MKLN1: variants seen among roughly 807,000 people sequenced by gnomAD.
The protein encoded by MKLN1 is muskelin 1.
Under a neutral mutation model 99.0 loss-of-function variants are expected in MKLN1, and 18 were observed. That is an observed-to-expected ratio of 0.18 (90% CI 0.13 to 0.27). The LOEUF (loss-of-function observed/expected upper bound fraction) is 0.27, where lower values mean the gene tolerates loss of function less well. Among genes scored for constraint, MKLN1 ranks in the 10% least tolerant of loss-of-function variants. MKLN1 has a pLI of 1.00. For missense variants in MKLN1, 621 were observed against 875.9 expected (o/e 0.71, Z 3.67); for synonymous variants, 288 against 293.2 (o/e 0.98, Z 0.18).
In MKLN1 at chr7:131,486,638, G is replaced by A. The variant is rs375154273; in HGVS notation, c.2087-969G>A. On this transcript the variant is annotated intron_variant, in intron 17 of 17. Transcript: ENST00000352689. ...CACCATGGCATATATAACTCTTGAT[G>A]GCTCTGTTTCTGTTTCTCATGGCAT... 1.3e-5 allele frequency among the ~76,000 whole-genome samples: 2 copies of A among 152,084 alleles called. 1 individual carries two copies. Among genetic ancestry groups the A allele is most frequent in the African/African-American group, 4.8e-5 (2 of 41,432 alleles).
chr7:131,325,949 T>C (rs1798879881), upstream of MKLN1, among the ~76,000 whole-genome samples: 1 of 151,520 alleles, frequency 6.6e-6, no homozygotes, highest in South Asian at 2.1e-4. Flanking sequence ...CAAGGCAGGT[T>C]ATGAAGGGCC....
chr7:131,365,254 T>A (rs1800145867), intron 1 of MKLN1, among the ~76,000 whole-genome samples: 1 of 152,210 alleles, frequency 6.6e-6, no homozygotes, highest in Non-Finnish European at 1.5e-5. Context: ...TCATGTATGT[T>A]TTCTTTCAAA....
chr7:131,235,024 A>G (rs754758501), intron 3 of MKLN1, among the ~76,000 whole-genome samples: 5 of 152,234 alleles, frequency 3.3e-5, no homozygotes, highest in Non-Finnish European at 5.9e-5. Context: ...GAATCTAAAG[A>G]ATCCATTCAG....
intron 9 of MKLN1, among the ~76,000 whole-genome samples, chr7:131,434,521 C>T (rs1795621906): frequency 6.6e-6 from 1 of 151,812 alleles, no homozygotes; most frequent in African/African-American, 2.4e-5. Flanking sequence ...CATTTTTCTT[C>T]TTTCTGTTCT....
At chr7:131,240,362 A>C (rs1797384112) in intron 3 of MKLN1, among the ~76,000 whole-genome samples, 1 of 152,232 alleles carries the variant, frequency 6.6e-6, no homozygotes, top group African/African-American at 2.4e-5. Flanking sequence ...CGTGTCTAAC[A>C]AATCAATAAT....
chr7:131,214,654 C>T (rs921442633), intron 3 of MKLN1, among the ~76,000 whole-genome samples: 1 of 152,164 alleles, frequency 6.6e-6, no homozygotes. Context: ...TTAAGCCACT[C>T]TAAGTTGTAT....
intron 4 of MKLN1, among the ~76,000 whole-genome samples, chr7:131,394,836 T>C (rs1794308888): frequency 6.6e-6 from 1 of 152,086 alleles, no homozygotes; most frequent in African/African-American, 2.4e-5. Context: ...GTGAATCTGT[T>C]GTTACATTAA....
At position 131,398,227 on chromosome 7, in the gene MKLN1, T is replaced by C. The variant is rs138701450; in HGVS notation, c.510+851T>C. On this transcript the variant is annotated intron_variant, in intron 5 of 17. Coordinates refer to ENST00000352689, the MANE Select transcript of MKLN1 (RefSeq NM_013255.5). ...GGAAGTTTGAGGTAGTCCCAGAACA[T>C]ATTCCTGAAGTTGAGATTTTTTTAA... Among the ~76,000 whole-genome samples the C allele has an allele frequency of 1.1e-4, 17 of 152,282 alleles. No homozygotes were observed. The East Asian group carries it at 3.1e-3, about 28-fold the overall frequency.
chr7:131,406,086 G>C (rs545371540), intron 6 of MKLN1, among the ~76,000 whole-genome samples: 1 of 152,032 alleles, frequency 6.6e-6, no homozygotes, highest in African/African-American at 2.4e-5. Flanking sequence ...TTGATGCCAT[G>C]TTTTTAATTG....
chr7:131,284,041 T>C (rs1013518159), intron 3 of MKLN1, among the ~76,000 whole-genome samples: 1 of 152,188 alleles, frequency 6.6e-6, no homozygotes, highest in African/African-American at 2.4e-5. Flanking sequence ...TGGGTGGATA[T>C]TTGTTATGGC....
At chr7:131,129,256 A>G (rs924754677) in intron 1 of MKLN1, among the ~76,000 whole-genome samples, 1 of 152,170 alleles carries the variant, frequency 6.6e-6, no homozygotes, top group Non-Finnish European at 1.5e-5. Context: ...CTCATACCAC[A>G]TTGGGAATAT....
intron 1 of MKLN1, among the ~76,000 whole-genome samples, chr7:131,365,315 A>C (rs1800147140): frequency 6.6e-6 from 1 of 151,778 alleles, no homozygotes; most frequent in Admixed American, 6.6e-5. Flanking sequence ...TTCTCTTGTA[A>C]ATTTAAGTTC....
chr7:131,369,219 G>C (rs1457656485), intron 1 of MKLN1, among the ~76,000 whole-genome samples: 1 of 152,028 alleles, frequency 6.6e-6, no homozygotes, highest in Non-Finnish European at 1.5e-5. Context: ...ATGTCCTTAC[G>C]TACTGGAGAT....
chr7:131,261,615 C>G (rs139882222), intron 3 of MKLN1, among the ~76,000 whole-genome samples: 2,202 of 152,282 alleles, frequency 0.014, 22 homozygotes, highest in Non-Finnish European at 0.021. Context: ...AACAGAAGTA[C>G]CATTCCACCC....
chr7:131,305,365 T>C (rs1198277382), intron 3 of MKLN1, among the ~76,000 whole-genome samples: 1 of 152,230 alleles, frequency 6.6e-6, no homozygotes, highest in Non-Finnish European at 1.5e-5. Flanking sequence ...TATTTGACAA[T>C]TTGAACAGTA....
At chr7:131,260,874 A>T (rs1797722890) in intron 3 of MKLN1, among the ~76,000 whole-genome samples, 1 of 149,686 alleles carries the variant, frequency 6.7e-6, no homozygotes, top group Admixed American at 6.9e-5. Context: ...GACAAAGTCA[A>T]CAAAAACATG....
chr7:131,353,190 T>C (rs1799770512), intron 1 of MKLN1, among the ~76,000 whole-genome samples: 1 of 152,166 alleles, frequency 6.6e-6, no homozygotes, highest in Non-Finnish European at 1.5e-5. Flanking sequence ...TTCATACCCT[T>C]TTCTAAAATG....
intron 3 of MKLN1, among the ~76,000 whole-genome samples, chr7:131,321,095 G>T (rs938296307): frequency 1.3e-5 from 2 of 152,112 alleles, no homozygotes; most frequent in Non-Finnish European, 2.9e-5. Flanking sequence ...ACACCAAAAG[G>T]GTTATAAATC....
At chr7:131,299,140 G>A (rs1369963736) in intron 3 of MKLN1, among the ~76,000 whole-genome samples, 2 of 152,202 alleles carry the variant, frequency 1.3e-5, no homozygotes, top group Non-Finnish European at 2.9e-5. Context: ...GTTTGTGACA[G>A]CTGGCCCTGT....
Sources: gnomAD v4.1 joint callset for allele counts (sites outside exome capture counted in the v4.1 genomes callset) on GRCh38, gnomAD v4.1.1 for gene constraint, MANE v1.5 for transcripts, NCBI Gene and HGNC (gene_info 2026-07-23, HGNC 2026-07-21) for gene names.